The following EXOC4 variants were observed in gnomAD, a reference collection of about 807,000 sequenced individuals.
EXOC4 encodes SEC8-like 1.
EXOC4 carries 71 observed loss-of-function variants against 107.2 expected under a neutral mutation model. That is an observed-to-expected ratio of 0.66 (90% CI 0.55 to 0.81). The LOEUF is 0.81. Ranked by LOEUF, EXOC4 falls within the 30% of genes least tolerant of loss-of-function variation. EXOC4 has a pLI of 0.00. For missense variants in EXOC4, 1,108 were observed against 1,189.6 expected, an observed-to-expected ratio of 0.93 and a Z score of 1.01; for synonymous variants, 456 against 441.2, an observed-to-expected ratio of 1.03 and a Z score of -0.42.
intron 17 of EXOC4, among the ~76,000 whole-genome samples, chr7:134,056,089 G>T (rs1795915004): frequency 6.6e-6 from 1 of 152,164 alleles, no homozygotes; most frequent in Non-Finnish European, 1.5e-5. Flanking sequence ...CACTACAAGA[G>T]TCTTGTGCTA....
At chr7:133,911,794 G>A (rs190092224) in intron 12 of EXOC4, among the ~76,000 whole-genome samples, 16 of 152,302 alleles carry the variant, frequency 1.1e-4, no homozygotes, top group East Asian at 3.9e-4. Flanking sequence ...CAAAGACGTA[G>A]ATGCTGACAA....
chr7:133,540,866 T>A (rs1044713498), intron 9 of EXOC4, among the ~76,000 whole-genome samples: 3 of 152,168 alleles, frequency 2.0e-5, no homozygotes, highest in Non-Finnish European at 2.9e-5. Flanking sequence ...CTAAAAAAAA[T>A]TTTGTTTTGA....
At chr7:133,422,241 A>G (rs982742081) in intron 7 of EXOC4, among the ~76,000 whole-genome samples, 17 of 152,182 alleles carry the variant, frequency 1.1e-4, no homozygotes, top group African/African-American at 3.9e-4. Context: ...ACAATGAGAT[A>G]GGCAAAACTG....
intron 9 of EXOC4, chr7:133,483,910 T>A: frequency 1.1e-6 from 1 of 920,694 alleles, no homozygotes; most frequent in Non-Finnish European, 1.8e-6. Flanking sequence ...TGAAAAGGCA[T>A]AATTGAATAG....
At chr7:133,322,934 CT>C (rs1288367284) in intron 5 of EXOC4, among the ~76,000 whole-genome samples, 1 of 152,132 alleles carries the variant, frequency 6.6e-6, no homozygotes, top group Non-Finnish European at 1.5e-5. Flanking sequence ...CCTTCACATC[CT>C]TTGTAAGTTG....
At chr7:133,449,755 C>T (rs1369562192) in intron 7 of EXOC4, among the ~76,000 whole-genome samples, 1 of 61,030 alleles carries the variant, frequency 1.6e-5, no homozygotes, top group South Asian at 7.3e-4. Flanking sequence ...GTGTACATCT[C>T]TTTTTACAAA....
chr7:133,943,479 A>G (rs891887447), intron 14 of EXOC4, among the ~76,000 whole-genome samples: 2 of 152,194 alleles, frequency 1.3e-5, no homozygotes, highest in African/African-American at 4.8e-5. Context: ...TCTTTACTAT[A>G]TTAACCAGAT....
At chr7:133,917,459 A>T in intron 12 of EXOC4, 124 bp from the exon 13 acceptor site, 2 of 890,194 alleles carry the variant, frequency 2.2e-6, no homozygotes, top group Non-Finnish European at 3.4e-6. Context: ...CAACTTAGAT[A>T]ATGGATTATG....
At chr7:133,631,858 G>A (rs1400497162) in intron 10 of EXOC4, among the ~76,000 whole-genome samples, 1 of 151,934 alleles carries the variant, frequency 6.6e-6, no homozygotes, top group Non-Finnish European at 1.5e-5. Context: ...TTAGAAATTG[G>A]AAAATACCTT....
intron 11 of EXOC4, among the ~76,000 whole-genome samples, chr7:133,842,088 A>G (rs1294901651): frequency 6.6e-6 from 1 of 152,160 alleles, no homozygotes; most frequent in African/African-American, 2.4e-5. Flanking sequence ...TGTCTTTGCT[A>G]TTGTGAACAG....
chr7:133,663,213 C>T (rs1047889804), intron 10 of EXOC4, among the ~76,000 whole-genome samples: 2 of 152,048 alleles, frequency 1.3e-5, no homozygotes, highest in South Asian at 4.1e-4. Context: ...TGCCAGGATA[C>T]GCGCTCTTCT....
At chr7:133,778,916 G>T (rs1158774915) in intron 10 of EXOC4, among the ~76,000 whole-genome samples, 1 of 152,152 alleles carries the variant, frequency 6.6e-6, no homozygotes, top group Non-Finnish European at 1.5e-5. Flanking sequence ...TGTTAATTAG[G>T]ATTTCATGGT....
intron 10 of EXOC4, among the ~76,000 whole-genome samples, chr7:133,789,449 T>C (rs1796658587): frequency 6.6e-6 from 1 of 152,200 alleles, no homozygotes; most frequent in Admixed American, 6.5e-5. Flanking sequence ...AGTTGTTGAT[T>C]TCCAGCAAGC....
At chr7:133,294,415 G>A (rs1794474062) in intron 3 of EXOC4, among the ~76,000 whole-genome samples, 1 of 152,140 alleles carries the variant, frequency 6.6e-6, no homozygotes, top group Non-Finnish European at 1.5e-5. Context: ...CCAAGCCAGT[G>A]CAAATAGTTT....
At chr7:133,745,828 A>G (rs1795665419) in intron 10 of EXOC4, among the ~76,000 whole-genome samples, 1 of 151,832 alleles carries the variant, frequency 6.6e-6, no homozygotes, top group African/African-American at 2.4e-5. Flanking sequence ...TAAATGAGAA[A>G]GGACTCAAGT....
At chr7:133,915,339 C>T (rs559574431) in intron 12 of EXOC4, among the ~76,000 whole-genome samples, 4 of 152,052 alleles carry the variant, frequency 2.6e-5, no homozygotes, top group East Asian at 1.9e-4. Flanking sequence ...GGAGATAGGT[C>T]GGGGAGAAAA....
chr7:133,825,013 G>T (rs1797666611), intron 11 of EXOC4, among the ~76,000 whole-genome samples: 1 of 152,024 alleles, frequency 6.6e-6, no homozygotes, highest in African/African-American at 2.4e-5. Flanking sequence ...GATTCAGTTT[G>T]CTATGTTTTC....
At chr7:134,053,211 C>G (rs1235116832) in intron 17 of EXOC4, among the ~76,000 whole-genome samples, 1 of 149,916 alleles carries the variant, frequency 6.7e-6, no homozygotes, top group Non-Finnish European at 1.5e-5. Context: ...GCACTCCAGC[C>G]TGGACGACAG....
At chr7:133,360,092 C>T (rs1305594288) in intron 6 of EXOC4, among the ~76,000 whole-genome samples, 1 of 152,180 alleles carries the variant, frequency 6.6e-6, no homozygotes, top group Non-Finnish European at 1.5e-5. Context: ...AGACAGGCAG[C>T]GTCTTCAACT....
Sources: gnomAD v4.1 joint callset for allele counts (sites outside exome capture counted in the v4.1 genomes callset) on GRCh38, gnomAD v4.1.1 for gene constraint, MANE v1.5 for transcripts, NCBI Gene and HGNC (gene_info 2026-07-23, HGNC 2026-07-21) for gene names.